The following MYO1D variants were observed in gnomAD, a reference collection of about 807,000 sequenced individuals.
MYO1D encodes myosin ID.
Under a neutral mutation model 122.0 loss-of-function variants are expected in MYO1D, and 83 were observed. The observed-to-expected ratio is 0.68, with a 90% CI of 0.57 to 0.82. The LOEUF (loss-of-function observed/expected upper bound fraction) is 0.82, where lower values mean the gene tolerates loss of function less well. Among genes scored for constraint, MYO1D ranks in the 40% least tolerant of loss-of-function variants. MYO1D has a pLI of 0.00. For missense variants in MYO1D, 1,157 were observed against 1,269.5 expected, an observed-to-expected ratio of 0.91 and a Z score of 1.35; for synonymous variants, 464 against 446.9, an observed-to-expected ratio of 1.04 and a Z score of -0.48.
chr17:32,791,363 CAAAA>C (rs60741553), intron 1 of MYO1D, among the ~76,000 whole-genome samples: 1 of 49,488 alleles, frequency 2.0e-5, no homozygotes, highest in Non-Finnish European at 4.7e-5. Context: ...GACTCCGTCT[CAAAA>C]AAAAAAAAAA....
intron 21 of MYO1D, among the ~76,000 whole-genome samples, chr17:32,560,767 G>C (rs2087117825): frequency 6.7e-6 from 1 of 149,920 alleles, no homozygotes; most frequent in Non-Finnish European, 1.5e-5. Context: ...TTACAGGCGT[G>C]TGCCGTCATT....
chr17:32,541,116 C>A (rs974175551), intron 21 of MYO1D, among the ~76,000 whole-genome samples: 2 of 152,038 alleles, frequency 1.3e-5, no homozygotes, highest in Non-Finnish European at 2.9e-5. Context: ...CATGTCCATA[C>A]AAAAACTTAT....
At chr17:32,791,524 C>T (rs1050012437) in intron 1 of MYO1D, among the ~76,000 whole-genome samples, 1 of 152,016 alleles carries the variant, frequency 6.6e-6, no homozygotes, top group African/African-American at 2.4e-5. Context: ...TTAAGAAACA[C>T]ACCCTGAATT....
chr17:32,863,226 T>C (rs1028437588), intron 1 of MYO1D, among the ~76,000 whole-genome samples: 6 of 152,206 alleles, frequency 3.9e-5, no homozygotes, highest in Non-Finnish European at 5.9e-5. Context: ...ACAATTCAAA[T>C]ACCAAGGGCA....
chr17:32,566,579 C>A (rs557704026), intron 21 of MYO1D, among the ~76,000 whole-genome samples: 3 of 151,820 alleles, frequency 2.0e-5, no homozygotes, highest in Non-Finnish European at 4.4e-5. Flanking sequence ...TCTTGAGTAG[C>A]CACTGAAGGA....
intron 21 of MYO1D, chr17:32,496,423 T>A (rs533274068): frequency 4.6e-5 from 7 of 152,352 alleles, no homozygotes; most frequent in African/African-American, 1.7e-4. Flanking sequence ...CAGCTGCAGC[T>A]AAAACCTGAG....
chr17:32,604,985 A>G, intron 21 of MYO1D, 102 bp downstream of exon 21: 1 of 1,121,682 alleles, frequency 8.9e-7, no homozygotes, highest in Non-Finnish European at 1.2e-6. Flanking sequence ...GGAGAAAAAT[A>G]GCTCAATACA....
At chr17:32,744,574 A>T (rs2089810597) in intron 13 of MYO1D, among the ~76,000 whole-genome samples, 1 of 152,262 alleles carries the variant, frequency 6.6e-6, no homozygotes, top group African/African-American at 2.4e-5. Flanking sequence ...CTGAGCACTG[A>T]CTAAGCAGAC....
At chr17:32,661,166 T>A (rs1374639544) in intron 16 of MYO1D, among the ~76,000 whole-genome samples, 2 of 152,232 alleles carry the variant, frequency 1.3e-5, no homozygotes, top group Non-Finnish European at 2.9e-5. Context: ...GGGGGTCTTT[T>A]CTGACAACCT....
chr17:32,668,695 ATTTCTT>A (rs1477625657), intron 16 of MYO1D, among the ~76,000 whole-genome samples: 1 of 151,338 alleles, frequency 6.6e-6, no homozygotes, highest in African/African-American at 2.4e-5. Context: ...AGCTCTGAGA[ATTTCTT>A]TTTCTTTTTT....
At chr17:32,700,993 G>A (rs887395028) in intron 16 of MYO1D, among the ~76,000 whole-genome samples, 2 of 149,910 alleles carry the variant, frequency 1.3e-5, no homozygotes, top group Admixed American at 6.7e-5. Flanking sequence ...ATAAATCAGA[G>A]GTGATTTTTT....
intron 13 of MYO1D, among the ~76,000 whole-genome samples, 179 bp downstream of exon 13, chr17:32,745,031 CT>C (rs1477119343): frequency 2.6e-5 from 4 of 152,196 alleles, no homozygotes; most frequent in Non-Finnish European, 5.9e-5. Flanking sequence ...TAGCAGGTCC[CT>C]GCCCAAAATT....
chr17:32,631,178 A>G (rs1464068698), intron 20 of MYO1D, among the ~76,000 whole-genome samples: 2 of 152,230 alleles, frequency 1.3e-5, no homozygotes, highest in Non-Finnish European at 2.9e-5. Context: ...TAAAAAGTCA[A>G]TATGATGGGA....
At position 32,714,275 on chromosome 17, in the gene MYO1D, G is replaced by A. The variant is rs183178774; in HGVS notation, c.1914-2080C>T. 1.6e-4 allele frequency among the ~76,000 whole-genome samples: 22 copies of A among 140,972 alleles called. No individual in the cohort carries two copies. The East Asian group carries it at 2.4e-3, about 15-fold the overall frequency. 92.5% of individuals were successfully genotyped at this position (140,972 alleles called of 152,430 possible). Reference sequence around the variant, plus strand: ...GTGTTATTCACCCCGATATGTCCACGTGTTCTCATTGTTCAGCTCCCACTT... The same window carrying A: ...GTGTTATTCACCCCGATATGTCCACATGTTCTCATTGTTCAGCTCCCACTT... On this transcript the variant is annotated intron_variant, in intron 15 of 21. Transcript: ENST00000318217.
chr17:32,720,999 C>T (rs372583981), intron 15 of MYO1D, 24 bp downstream of exon 15: 19 of 1,604,104 alleles, frequency 1.2e-5, no homozygotes, highest in East Asian at 2.2e-5. Flanking sequence ...GTGAACTAGG[C>T]CTCTCTGACG....
At chr17:32,669,914 G>A (rs1391171198) in intron 16 of MYO1D, among the ~76,000 whole-genome samples, 1 of 149,834 alleles carries the variant, frequency 6.7e-6, no homozygotes, top group Non-Finnish European at 1.5e-5. Flanking sequence ...TTTTTTTCAG[G>A]TGGAGTCTCA....
At chr17:32,596,371 C>T (rs1317063620) in intron 21 of MYO1D, among the ~76,000 whole-genome samples, 1 of 152,170 alleles carries the variant, frequency 6.6e-6, no homozygotes, top group South Asian at 2.1e-4. Flanking sequence ...CTCTGCTGGA[C>T]GGGGAGGGCC....
At chr17:32,573,690 ATTTATTT>A (rs1318151913) in intron 21 of MYO1D, among the ~76,000 whole-genome samples, 1 of 151,232 alleles carries the variant, frequency 6.6e-6, no homozygotes, top group African/African-American at 2.4e-5. Context: ...CGGCTAATTT[ATTTATTT>A]TTTATTTTTT....
intron 20 of MYO1D, among the ~76,000 whole-genome samples, chr17:32,635,431 T>C (rs2088084071): frequency 6.6e-6 from 1 of 152,116 alleles, no homozygotes; most frequent in African/African-American, 2.4e-5. Flanking sequence ...CCAGGCGTGG[T>C]GGCTCATGCC....
Sources: gnomAD v4.1 joint callset for allele counts (sites outside exome capture counted in the v4.1 genomes callset) on GRCh38, gnomAD v4.1.1 for gene constraint, MANE v1.5 for transcripts, NCBI Gene and HGNC (gene_info 2026-07-23, HGNC 2026-07-21) for gene names.